Variants in KRAS observed in about 807,000 individuals in gnomAD.
KRAS encodes GTPase KRas.
KRAS carries 1 observed loss-of-function variant against 21.0 expected under a neutral mutation model. That is an observed-to-expected ratio of 0.05 (90% CI 0.02 to 0.23). KRAS has a LOEUF of 0.23. Among genes scored for constraint, KRAS ranks in the 10% least tolerant of loss-of-function variants. The pLI is 1.00. For missense variants in KRAS, 107 were observed against 221.8 expected (o/e 0.48, Z 3.29); for synonymous variants, 67 against 72.5 (o/e 0.92, Z 0.39).
intron 2 of KRAS, among the ~76,000 whole-genome samples, chr12:25,237,702 T>TA (rs1250294988): frequency 6.6e-6 from 1 of 152,206 alleles, no homozygotes; most frequent in African/African-American, 2.4e-5. Context: ...TGAAAGTAGG[T>TA]AAAACTGCAT....
intron 4 of KRAS, among the ~76,000 whole-genome samples, chr12:25,221,519 G>A (rs896265348): frequency 2.6e-5 from 4 of 152,102 alleles, no homozygotes; most frequent in Non-Finnish European, 5.9e-5. Context: ...TTACAGGCAT[G>A]AGCCACAGCA....
rs969727998 is a variant in KRAS at position 25,206,883 on chromosome 12, C to T, written c.*2912G>A. On this transcript the variant is annotated 3_prime_UTR_variant, in exon 5 of 5. Coordinates refer to ENST00000311936, the MANE Select transcript of KRAS (RefSeq NM_004985.5). Reference sequence around the variant, plus strand: ...GGTCAATATGAATATCTGACATACACCTTAATGTGTACAGTAATTGTCCTA... The same window carrying T: ...GGTCAATATGAATATCTGACATACATCTTAATGTGTACAGTAATTGTCCTA... 5.0e-6 allele frequency: 1 copy of T among 200,760 alleles called. No homozygotes were observed. The highest frequency in any genetic ancestry group is 1.9e-4 in the South Asian group (1 of 5,254). 12.4% of individuals were successfully genotyped at this position (200,760 alleles called of 1,614,324 possible). A position where few individuals can be genotyped will look rare whatever the true frequency, so the allele number is the denominator to read the frequency against.
intron 4 of KRAS, chr12:25,210,772 C>T (rs1951192910): frequency 6.6e-6 from 1 of 152,114 alleles, no homozygotes; most frequent in Non-Finnish European, 1.5e-5. Flanking sequence ...TGACCACCAT[C>T]TATTTATGAT....
chr12:25,240,004 G>T (rs1951591462), intron 2 of KRAS, among the ~76,000 whole-genome samples: 1 of 151,864 alleles, frequency 6.6e-6, no homozygotes, highest in African/African-American at 2.4e-5. Context: ...TATTTGAAAG[G>T]ATTAAGGAGG....
chr12:25,245,840 A>AC (rs1951672296), intron 1 of KRAS, among the ~76,000 whole-genome samples: 1 of 151,996 alleles, frequency 6.6e-6, no homozygotes, highest in Non-Finnish European at 1.5e-5. Context: ...TTCCTAGTGG[A>AC]CCCCCACCTC....
At chr12:25,220,696 C>T (rs61762423) in intron 4 of KRAS, among the ~76,000 whole-genome samples, 6,006 of 146,936 alleles carry the variant, frequency 0.041, 398 homozygotes, top group African/African-American at 0.14. Context: ...CACTGCACTC[C>T]AGCCTGGCAA....
rs774163459 is a variant in KRAS at position 25,208,596 on chromosome 12, TTTC to T, written c.*1196_*1198del. 1.7e-5 allele frequency: 4 copies of T among 233,158 alleles called. No homozygotes were observed. Among genetic ancestry groups the T allele is most frequent in the Non-Finnish European group, 2.5e-5 (3 of 117,844 alleles). 14.4% of individuals were successfully genotyped at this position (233,158 alleles called of 1,614,324 possible). ...AAGTAATTTTTAAAAAAGAGTTTGT[TTTC>T]TTAAGAAACAAAAGCAATGCTCTTG... On this transcript the variant is annotated 3_prime_UTR_variant, in exon 5 of 5. Transcript: ENST00000311936.
intron 4 of KRAS, among the ~76,000 whole-genome samples, chr12:25,222,122 C>G (rs1352319211): frequency 6.7e-6 from 1 of 148,788 alleles, no homozygotes; most frequent in African/African-American, 2.5e-5. Flanking sequence ...GTACTCCAGC[C>G]TGGGCGACAA....
chr12:25,247,996 T>A (rs931852006), intron 1 of KRAS, among the ~76,000 whole-genome samples: 3 of 152,236 alleles, frequency 2.0e-5, no homozygotes, highest in African/African-American at 7.2e-5. Context: ...TATTAATAAA[T>A]CCCAAACAAA....
At chr12:25,218,245 T>C (rs1013120345) in intron 4 of KRAS, among the ~76,000 whole-genome samples, 9 of 151,876 alleles carry the variant, frequency 5.9e-5, no homozygotes, top group African/African-American at 2.2e-4. Context: ...AAAAAAGTTA[T>C]AATGTCAATG....
At chr12:25,227,922 T>C (rs1951413756) in intron 2 of KRAS, among the ~76,000 whole-genome samples, 1 of 152,160 alleles carries the variant, frequency 6.6e-6, no homozygotes, top group African/African-American at 2.4e-5. Context: ...GCACTATTTA[T>C]AATACCCAAA....
At chr12:25,244,104 C>T (rs547968607) in intron 2 of KRAS, among the ~76,000 whole-genome samples, 2 of 152,284 alleles carry the variant, frequency 1.3e-5, no homozygotes, top group Admixed American at 1.3e-4. Flanking sequence ...CAAGGCCACC[C>T]AATGCCCTCA....
At chr12:25,218,306 C>T (rs1030643075) in intron 4 of KRAS, among the ~76,000 whole-genome samples, 1 of 150,308 alleles carries the variant, frequency 6.7e-6, no homozygotes, top group Non-Finnish European at 1.5e-5. Flanking sequence ...TGGTCCTCTA[C>T]TAATTTAGCA....
chr12:25,224,362 T>C (rs1166327691), intron 4 of KRAS, among the ~76,000 whole-genome samples: 1 of 152,040 alleles, frequency 6.6e-6, no homozygotes, highest in Non-Finnish European at 1.5e-5. Context: ...ATATTGATGG[T>C]CCTGACCCTG....
intron 4 of KRAS, among the ~76,000 whole-genome samples, chr12:25,214,100 G>A (rs1951228079): frequency 6.6e-6 from 1 of 152,196 alleles, no homozygotes; most frequent in Non-Finnish European, 1.5e-5. Flanking sequence ...TCCATGCCTA[G>A]TCTAAGGGTT....
chr12:25,223,393 G>A (rs1485957740), intron 4 of KRAS, among the ~76,000 whole-genome samples: 1 of 152,102 alleles, frequency 6.6e-6, no homozygotes, highest in Non-Finnish European at 1.5e-5. Context: ...CAAGGAGACT[G>A]TAAAGACAGT....
rs192676231 is a variant in KRAS at position 25,226,257 on chromosome 12, C to G, written c.291-484G>C. On this transcript the variant is annotated intron_variant, in intron 3 of 4. Coordinates refer to ENST00000311936, the MANE Select transcript of KRAS (RefSeq NM_004985.5). Reference sequence around the variant, plus strand: ...AGGCAACACTGAAGTTACTACACCACTTATTCCATTAAAAGCCCTTCTACA... The same window carrying G: ...AGGCAACACTGAAGTTACTACACCAGTTATTCCATTAAAAGCCCTTCTACA... 1.4e-3 allele frequency among the ~76,000 whole-genome samples: 219 copies of G among 152,322 alleles called. 1 individual carries two copies. The highest frequency in any genetic ancestry group is 5.1e-3 in the African/African-American group (211 of 41,570).
rs727503106 is a variant in KRAS, at chr12:25,227,234, C to T, written c.290G>A (p.Arg97Lys). The T allele has an allele frequency of 6.2e-7, 1 of 1,609,142 alleles. No individual in the cohort carries two copies. Among genetic ancestry groups the T allele is most frequent in the Non-Finnish European group, 8.5e-7 (1 of 1,175,706 alleles). The change falls in exon 3 of 5, where the codon AGA becomes AAA. Residue 97 changes from arginine (R) to lysine (K), a missense_variant and splice_region_variant. Physicochemically the swap from Arg to Lys is conservative, Grantham distance 26. This residue lies in a region of KRAS where 42 missense variants were observed against 139.4 expected (regional missense o/e 0.30). Coordinates refer to ENST00000311936, the MANE Select transcript of KRAS (RefSeq NM_004985.5). ...TKSFEDIHHY[R>K]EQIKRVKDSE... is the part of the protein sequence containing the mutation. ...CTTATTATATTCAATTTAAACCCACCTATAATGGTGAATATCTTCAAATGA... is the reference window on the plus strand; with the variant it reads ...CTTATTATATTCAATTTAAACCCACTTATAATGGTGAATATCTTCAAATGA...
chr12:25,231,092 CTTTTTTTTTTTTTTT>C (rs34361223), intron 2 of KRAS, among the ~76,000 whole-genome samples: 5 of 66,366 alleles, frequency 7.5e-5, no homozygotes, highest in Non-Finnish European at 1.1e-4. Context: ...ACCTCACATT[CTTTTTTTTTTTTTTT>C]TTTTTTTTTT....
Sources: allele counts gnomAD v4.1 joint callset (sites outside exome capture counted in the v4.1 genomes callset), GRCh38; gene constraint gnomAD v4.1.1; regional missense constraint gnomAD v4.1.1; transcripts MANE v1.5; gene names NCBI Gene and HGNC (gene_info 2026-07-23, HGNC 2026-07-21).